ARAP2: variants seen among roughly 807,000 people sequenced by gnomAD.
ARAP2 encodes the protein arf-GAP with Rho-GAP domain, ANK repeat and PH domain-containing protein 2.
ARAP2 carries 148 observed loss-of-function variants against 194.5 expected under a neutral mutation model. The observed-to-expected ratio is 0.76, with a 90% confidence interval of 0.67 to 0.87. The LOEUF is 0.87. Among genes scored for constraint, ARAP2 ranks in the 40% least tolerant of loss-of-function variants. The pLI, the probability that ARAP2 is intolerant of heterozygous loss-of-function variation, is 0.00. For synonymous variants in ARAP2, 695 were observed against 683.5 expected (o/e 1.02, Z -0.26); for missense variants, 2,128 against 1,989.7 (o/e 1.07, Z -1.32).
At chr4:36,100,047 G>A (rs1716428767) in intron 27 of ARAP2, among the ~76,000 whole-genome samples, 1 of 151,960 alleles carries the variant, frequency 6.6e-6, no homozygotes, top group South Asian at 2.1e-4. Flanking sequence ...AGGGGTTTAG[G>A]ACAGAATATA....
At chr4:36,082,947 G>GAACCAA in intron 29 of ARAP2, among the ~76,000 whole-genome samples, 1 of 152,116 alleles carries the variant, frequency 6.6e-6, no homozygotes. Flanking sequence ...TACAGAGCCA[G>GAACCAA]AACCAAAACA....
In ARAP2 at chr4:36,067,182, T is replaced by C. The variant is rs1052609071; in HGVS notation, c.*725A>G. The C allele has an allele frequency of 6.6e-6, 1 of 152,474 alleles. No homozygotes were observed. Among genetic ancestry groups the C allele is most frequent in the Non-Finnish European group, 1.5e-5 (1 of 68,034 alleles). The allele number at this position is 152,474 out of a possible 1,614,324, so 9.4% of individuals were successfully genotyped here. ...AGTGAATCTGTAATGTGGCTGGTTT[T>C]CTAACACTATAAATATTAATAAGAG... On this transcript the variant is annotated 3_prime_UTR_variant, in exon 33 of 33. Coordinates refer to ENST00000303965, the MANE Select transcript of ARAP2 (RefSeq NM_015230.4).
intron 5 of ARAP2, among the ~76,000 whole-genome samples, chr4:36,020,030 T>C (rs976604523): frequency 4.6e-5 from 7 of 152,212 alleles, no homozygotes; most frequent in Non-Finnish European, 8.8e-5. Flanking sequence ...TAACAATATC[T>C]ATATGCCAGC....
chr4:36,014,134 G>A (rs904448311), intron 8 of ARAP2, among the ~76,000 whole-genome samples: 1 of 151,340 alleles, frequency 6.6e-6, no homozygotes, highest in African/African-American at 2.4e-5. Context: ...GGACTGAGGT[G>A]GAAGGATCTT....
At chr4:36,103,059 G>A (rs998998992) in intron 27 of ARAP2, among the ~76,000 whole-genome samples, 8 of 151,722 alleles carry the variant, frequency 5.3e-5, no homozygotes, top group African/African-American at 1.9e-4. Flanking sequence ...TTATGGATTT[G>A]TATTATATTT....
intron 3 of ARAP2, among the ~76,000 whole-genome samples, chr4:36,213,968 T>C (rs909270575): frequency 2.0e-5 from 3 of 152,114 alleles, no homozygotes; most frequent in Admixed American, 6.5e-5. Flanking sequence ...CATCTTATTG[T>C]CAAAAAGAAT....
chr4:36,193,129 T>C lies in ARAP2; in HGVS notation c.1557+449A>G, dbSNP rs1451427975. The stretch of plus-strand genomic sequence containing the variant: ...TGAAACCAAACAATTAACACCTCTC[T>C]ATATCTTCCATTATTCTCAGCCATA... On this transcript the variant is annotated intron_variant, in intron 7 of 32. Transcript: ENST00000303965. 2.6e-5 allele frequency among the ~76,000 whole-genome samples: 4 copies of C among 152,234 alleles called. No individual in the cohort carries two copies. The East Asian group carries it at 7.7e-4, about 29-fold the overall frequency.
At chr4:36,149,247 C>G (rs544092495) in intron 16 of ARAP2, among the ~76,000 whole-genome samples, 24 of 152,248 alleles carry the variant, frequency 1.6e-4, no homozygotes, top group African/African-American at 5.5e-4. Context: ...CACAATCAAT[C>G]TCATCACAAC....
intron 9 of ARAP2, among the ~76,000 whole-genome samples, chr4:36,169,604 C>T (rs1736108280): frequency 6.6e-6 from 1 of 150,984 alleles, no homozygotes; most frequent in South Asian, 2.1e-4. Context: ...GATCTCGGCT[C>T]ACTGCAACCT....
At chr4:36,152,673 TAAAA>T (rs5857475) in intron 15 of ARAP2, among the ~76,000 whole-genome samples, 1 of 148,514 alleles carries the variant, frequency 6.7e-6, no homozygotes, top group Non-Finnish European at 1.5e-5. Context: ...ACTGAAGTGA[TAAAA>T]AAAAAAACTG....
At chr4:36,125,744 C>A (rs1723738647) in intron 21 of ARAP2, among the ~76,000 whole-genome samples, 1 of 151,978 alleles carries the variant, frequency 6.6e-6, no homozygotes, top group Non-Finnish European at 1.5e-5. Context: ...AGAGAGCATG[C>A]AGTGACAGTT....
chr4:36,080,414 GAAC>G, intron 30 of ARAP2, 135 bp from the exon 31 acceptor site: 1 of 658,066 alleles, frequency 1.5e-6, no homozygotes, highest in Non-Finnish European at 2.7e-6. Context: ...CACAAAAGTG[GAAC>G]ATTTCAGTAC....
Position 36,124,819 on chromosome 4 carries a change from T to G in ARAP2, c.3746+43A>C, listed in dbSNP as rs2109562782. The G allele has an allele frequency of 2.5e-6, 3 of 1,187,056 alleles. No individual in the cohort carries two copies. The East Asian group carries it at 7.2e-5, about 28-fold the overall frequency. 73.5% of individuals were successfully genotyped at this position (1,187,056 alleles called of 1,614,324 possible). On this transcript the variant is annotated intron_variant, in intron 22 of 32. Transcript: ENST00000303965. ...ACATAAGAAATAATGACTTATTGAGTGCTGTGTTTGAAATGTCGAGAAAAG... is the reference window on the plus strand; with the variant it reads ...ACATAAGAAATAATGACTTATTGAGGGCTGTGTTTGAAATGTCGAGAAAAG...
At chr4:36,193,724 C>A in intron 6 of ARAP2, 77 bp from the exon 7 acceptor site, 2 of 1,050,798 alleles carry the variant, frequency 1.9e-6, no homozygotes, top group Non-Finnish European at 2.8e-6. Context: ...GTAATGTAAC[C>A]GTGTAAATAT....
chr4:36,145,411 G>A (rs1289153579), intron 19 of ARAP2, among the ~76,000 whole-genome samples: 1 of 152,014 alleles, frequency 6.6e-6, no homozygotes, highest in African/African-American at 2.4e-5. Context: ...CTTATCCTAA[G>A]TGAATTAACA....
chr4:36,093,705 C>G (rs7673108), intron 27 of ARAP2, among the ~76,000 whole-genome samples: 23,782 of 151,974 alleles, frequency 0.16, 4,216 homozygotes, highest in African/African-American at 0.44. Flanking sequence ...GTTTGGGGTT[C>G]CATTGATCAA....
intron 6 of ARAP2, among the ~76,000 whole-genome samples, chr4:36,195,310 G>A (rs1742835021): frequency 6.6e-6 from 1 of 152,152 alleles, no homozygotes; most frequent in Non-Finnish European, 1.5e-5. Flanking sequence ...ATCCAACAGT[G>A]TTAGAGCCAT....
downstream of ARAP2, chr4:36,065,377 G>T: frequency 1.9e-6 from 1 of 523,332 alleles, no homozygotes; most frequent in Non-Finnish European, 3.9e-6. Context: ...TTCTCATAGT[G>T]CCAGGGCCCC....
At chr4:36,154,206 T>C (rs1560543449) in intron 15 of ARAP2, among the ~76,000 whole-genome samples, 1 of 152,194 alleles carries the variant, frequency 6.6e-6, no homozygotes, top group African/African-American at 2.4e-5. Flanking sequence ...TTTTTGAAAC[T>C]ATGAATTTGC....
Sources: gnomAD v4.1 joint callset for allele counts (sites outside exome capture counted in the v4.1 genomes callset) on GRCh38, gnomAD v4.1.1 for gene constraint, MANE v1.5 for transcripts, NCBI Gene and HGNC (gene_info 2026-07-23, HGNC 2026-07-21) for gene names.